Variants in SMYD3 observed in about 807,000 individuals in gnomAD.
SMYD3 encodes the protein SET and MYND domain containing 3, also known as histone-lysine N-methyltransferase SMYD3.
SMYD3 carries 36 observed loss-of-function variants against 57.7 expected under a neutral mutation model. The observed-to-expected ratio is 0.62, with a 90% confidence interval of 0.48 to 0.82. The LOEUF is 0.82. Among genes scored for constraint, SMYD3 ranks in the 40% least tolerant of loss-of-function variants. The pLI is 0.00. For synonymous variants in SMYD3, 211 were observed against 195.0 expected (o/e 1.08, Z -0.68); for missense variants, 515 against 538.8 (o/e 0.96, Z 0.44).
At chr1:246,504,996 C>T (rs1418705029) in intron 1 of SMYD3, among the ~76,000 whole-genome samples, 4 of 152,180 alleles carry the variant, frequency 2.6e-5, no homozygotes, top group Admixed American at 2.6e-4. Context: ...AACACTATAA[C>T]CACTAAAATG....
At chr1:245,900,668 T>C (rs1174255509) in intron 8 of SMYD3, among the ~76,000 whole-genome samples, 1 of 152,202 alleles carries the variant, frequency 6.6e-6, no homozygotes, top group East Asian at 1.9e-4. Context: ...TTTCCTAATA[T>C]ACTATTGCAG....
chr1:245,820,930 T>G (rs564555487), intron 10 of SMYD3, among the ~76,000 whole-genome samples: 85 of 151,258 alleles, frequency 5.6e-4, no homozygotes, highest in African/African-American at 1.8e-3. Context: ...TCCATGCTCA[T>G]GGGTAGGAAG....
chr1:246,136,928 G>C (rs145805489), intron 5 of SMYD3, among the ~76,000 whole-genome samples: 2 of 152,272 alleles, frequency 1.3e-5, no homozygotes, highest in South Asian at 4.1e-4. Flanking sequence ...AGCAATGAGA[G>C]TTCACGGAAA....
At chr1:246,258,735 T>C (rs2063943685) in intron 5 of SMYD3, among the ~76,000 whole-genome samples, 4 of 152,212 alleles carry the variant, frequency 2.6e-5, no homozygotes, top group Admixed American at 2.0e-4. Flanking sequence ...ACAGGTGTTC[T>C]CAGGATTTCT....
chr1:245,851,358 C>T (rs1416639152), intron 10 of SMYD3, among the ~76,000 whole-genome samples: 1 of 152,140 alleles, frequency 6.6e-6, no homozygotes, highest in Non-Finnish European at 1.5e-5. Context: ...AGTAAAAGTG[C>T]CTGACCCAGG....
rs981166578 is a variant in SMYD3 at position 246,465,698 on chromosome 1, T to A, written c.164+41356A>T. ...ACAAAAAAATTAAAAATCATCTGGA[T>A]TATTAAAAAATAAATAAATAAAAAA... On this transcript the variant is annotated intron_variant, in intron 1 of 11. Transcript: ENST00000490107. Among the ~76,000 whole-genome samples, 7 of 152,238 alleles carry A rather than the reference T, an allele frequency of 4.6e-5. No homozygotes were observed. In the East Asian group the frequency reaches 1.3e-3, roughly 29 times the overall value.
intron 10 of SMYD3, among the ~76,000 whole-genome samples, chr1:245,826,705 C>T (rs957496599): frequency 6.6e-6 from 1 of 152,180 alleles, no homozygotes; most frequent in Admixed American, 6.5e-5. Context: ...ACTCACAGTT[C>T]CGCATGGCTG....
intron 1 of SMYD3, among the ~76,000 whole-genome samples, chr1:246,359,668 T>A (rs1455435202): frequency 6.6e-6 from 1 of 151,858 alleles, no homozygotes; most frequent in East Asian, 1.9e-4. Flanking sequence ...CATCCATAAC[T>A]CAAATGTGAT....
At chr1:245,922,590 G>A (rs1204338159) in intron 7 of SMYD3, among the ~76,000 whole-genome samples, 4 of 137,078 alleles carry the variant, frequency 2.9e-5, no homozygotes, top group Admixed American at 2.5e-4. Flanking sequence ...CACAATTTAT[G>A]AGAAATCTCT....
chr1:246,479,502 ATTT>A (rs35818746), intron 1 of SMYD3, among the ~76,000 whole-genome samples: 7,538 of 107,554 alleles, frequency 0.07, 644 homozygotes, highest in African/African-American at 0.24. Flanking sequence ...AAAAAGCGGG[ATTT>A]TTTTTTTTTT....
At chr1:246,150,883 G>C (rs1282502551) in intron 5 of SMYD3, among the ~76,000 whole-genome samples, 1 of 152,222 alleles carries the variant, frequency 6.6e-6, no homozygotes, top group Admixed American at 6.5e-5. Context: ...CATCCTAAAA[G>C]AGATGGAGGA....
chr1:246,401,193 T>C (rs1385578827), intron 1 of SMYD3, among the ~76,000 whole-genome samples: 1 of 152,098 alleles, frequency 6.6e-6, no homozygotes, highest in African/African-American at 2.4e-5. Context: ...AAGCTGATGA[T>C]ATTAAACTCT....
chr1:246,376,666 T>C (rs1178192089), intron 1 of SMYD3, among the ~76,000 whole-genome samples: 2 of 151,308 alleles, frequency 1.3e-5, no homozygotes, highest in Non-Finnish European at 2.9e-5. Context: ...ACTTGAACTG[T>C]GCACTTATAC....
intron 5 of SMYD3, among the ~76,000 whole-genome samples, chr1:246,021,302 G>A (rs953408600): frequency 6.6e-6 from 1 of 152,202 alleles, no homozygotes; most frequent in African/African-American, 2.4e-5. Context: ...ATTCTACTAT[G>A]TCTTTTTGTT....
At chr1:246,332,603 C>G (rs535122060) in intron 3 of SMYD3, among the ~76,000 whole-genome samples, 1 of 152,190 alleles carries the variant, frequency 6.6e-6, no homozygotes, top group Non-Finnish European at 1.5e-5. Flanking sequence ...GTCAGGAGCT[C>G]GAGACCAGCC....
At chr1:246,066,809 TC>T (rs2060349171) in intron 5 of SMYD3, among the ~76,000 whole-genome samples, 1 of 152,208 alleles carries the variant, frequency 6.6e-6, no homozygotes, top group African/African-American at 2.4e-5. Context: ...GTGCATAGCT[TC>T]CTGGGTCAGG....
intron 10 of SMYD3, among the ~76,000 whole-genome samples, chr1:245,823,427 A>C (rs908585876): frequency 1.3e-5 from 2 of 152,182 alleles, no homozygotes; most frequent in Non-Finnish European, 2.9e-5. Flanking sequence ...AAGGCGATGA[A>C]ATGAAAGAAG....
At chr1:246,473,384 C>G (rs1181395676) in intron 1 of SMYD3, among the ~76,000 whole-genome samples, 1 of 152,008 alleles carries the variant, frequency 6.6e-6, no homozygotes, top group South Asian at 2.1e-4. Flanking sequence ...AAAAAAAATG[C>G]CTTGATTCCT....
At chr1:246,166,630 C>G (rs1368555848) in intron 5 of SMYD3, among the ~76,000 whole-genome samples, 1 of 152,160 alleles carries the variant, frequency 6.6e-6, no homozygotes, top group Non-Finnish European at 1.5e-5. Flanking sequence ...TGCTTGTCCA[C>G]ACATGTAAAG....
Sources: allele counts gnomAD v4.1 joint callset (sites outside exome capture counted in the v4.1 genomes callset), GRCh38; gene constraint gnomAD v4.1.1; transcripts MANE v1.5; gene names NCBI Gene and HGNC (gene_info 2026-07-23, HGNC 2026-07-21).